The following PTPRD variants were observed in gnomAD, a reference collection of about 807,000 sequenced individuals.
The protein encoded by PTPRD is receptor-type tyrosine-protein phosphatase delta.
A neutral mutation model predicts 214.5 loss-of-function variants in PTPRD; 34 were observed. The observed-to-expected ratio is 0.16, with a 90% confidence interval of 0.12 to 0.21. PTPRD has a LOEUF of 0.21. PTPRD is among the 10% of genes least tolerant of loss of function. The pLI is 1.00. For synonymous variants in PTPRD, 1,128 were observed against 845.7 expected (o/e 1.33, Z -5.79); for missense variants, 2,545 against 2,398.7 (o/e 1.06, Z -1.27).
chr9:8,698,041 A>G (rs117982512), intron 12 of PTPRD, among the ~76,000 whole-genome samples: 1 of 152,184 alleles, frequency 6.6e-6, no homozygotes, highest in Admixed American at 6.5e-5. Flanking sequence ...CACCATGTCC[A>G]CAGTAAGCAT....
chr9:8,550,844 G>T (rs1436533194), intron 14 of PTPRD, among the ~76,000 whole-genome samples: 1 of 152,176 alleles, frequency 6.6e-6, no homozygotes, highest in African/African-American at 2.4e-5. Context: ...GCCTGGGTCA[G>T]GCTCTTTAGA....
intron 14 of PTPRD, among the ~76,000 whole-genome samples, chr9:8,610,589 G>A (rs1207624735): frequency 6.6e-6 from 1 of 152,162 alleles, no homozygotes; most frequent in South Asian, 2.1e-4. Context: ...CAAAAAAGCT[G>A]CGAAAGTCAA....
chr9:9,947,464 C>CTATATATTATATATATTTTA (rs2092825644), intron 4 of PTPRD, among the ~76,000 whole-genome samples: 1 of 18,842 alleles, frequency 5.3e-5, no homozygotes, highest in Non-Finnish European at 7.7e-5. Flanking sequence ...TTTATATATA[C>CTATATATTATATATATTTTA]TATATATTAT....
intron 26 of PTPRD, among the ~76,000 whole-genome samples, chr9:8,494,297 C>G (rs906289192): frequency 1.3e-5 from 2 of 152,014 alleles, no homozygotes; most frequent in Non-Finnish European, 2.9e-5. Flanking sequence ...GTAGGAATAT[C>G]TCACTGTGGA....
chr9:9,437,325 A>T (rs2085673138), intron 8 of PTPRD, among the ~76,000 whole-genome samples: 1 of 151,998 alleles, frequency 6.6e-6, no homozygotes, highest in African/African-American at 2.4e-5. Context: ...TATTTTACTG[A>T]TGTCTTTCAC....
Position 8,404,678 on chromosome 9 carries a change from C to G in PTPRD, c.4087-18G>C, listed in dbSNP as rs1403777369. 3.1e-6 allele frequency: 5 copies of G among 1,592,490 alleles called. No individual in the cohort carries two copies. ...TCAATTGACTTTAAAAGGAAAACAA[C>G]ACATATACACAAAATCAATACTGAA... On this transcript the variant is annotated intron_variant, in intron 35 of 45. Coordinates refer to ENST00000381196, the MANE Select transcript of PTPRD (RefSeq NM_002839.4).
chr9:9,961,765 T>C (rs2094382716), intron 4 of PTPRD, among the ~76,000 whole-genome samples: 1 of 152,094 alleles, frequency 6.6e-6, no homozygotes, highest in Admixed American at 6.6e-5. Flanking sequence ...GCAAACATGA[T>C]GATCAATTAT....
intron 7 of PTPRD, among the ~76,000 whole-genome samples, chr9:9,582,797 G>A (rs1352233884): frequency 5.9e-5 from 9 of 151,878 alleles, no homozygotes; most frequent in East Asian, 1.9e-4. Context: ...ATGTATTAAC[G>A]TGTTAGTATA....
intron 3 of PTPRD, among the ~76,000 whole-genome samples, chr9:10,114,714 A>G (rs1426165269): frequency 6.6e-6 from 1 of 152,090 alleles, no homozygotes; most frequent in African/African-American, 2.4e-5. Flanking sequence ...TTGTGAATCT[A>G]AAGACACATG....
At chr9:8,904,142 C>T (rs1046126421) in intron 11 of PTPRD, among the ~76,000 whole-genome samples, 1 of 152,110 alleles carries the variant, frequency 6.6e-6, no homozygotes, top group Non-Finnish European at 1.5e-5. Context: ...TATTTATTTT[C>T]TTTCTTTCCT....
In PTPRD at chr9:9,696,022, G is replaced by T. The variant is rs183611012; in HGVS notation, c.-287+38511C>A. Among the ~76,000 whole-genome samples the T allele has an allele frequency of 5.6e-4, 85 of 152,056 alleles. 1 individual carries two copies. In the South Asian group the frequency reaches 0.011, roughly 20 times the overall value. On this transcript the variant is annotated intron_variant, in intron 7 of 45. Transcript: ENST00000381196. ...TTCAGCAGTGAAGTCATTAGGTCCTGGGCTCTTTTTTGATGGGAGACTTTT... is the reference window on the plus strand; with the variant it reads ...TTCAGCAGTGAAGTCATTAGGTCCTTGGCTCTTTTTTGATGGGAGACTTTT...
intron 5 of PTPRD, among the ~76,000 whole-genome samples, chr9:9,849,027 G>A (rs975863543): frequency 7.3e-5 from 11 of 151,630 alleles, no homozygotes; most frequent in Non-Finnish European, 7.4e-5. Flanking sequence ...AACAGGGTGT[G>A]TCTATGTATT....
chr9:9,771,978 C>G (rs2098755483), intron 5 of PTPRD, among the ~76,000 whole-genome samples: 1 of 152,048 alleles, frequency 6.6e-6, no homozygotes, highest in African/African-American at 2.4e-5. Flanking sequence ...TAAGAAGAAA[C>G]TAGAAATTTC....
intron 2 of PTPRD, among the ~76,000 whole-genome samples, chr9:10,470,155 G>C (rs2099021024): frequency 6.6e-6 from 1 of 151,964 alleles, no homozygotes; most frequent in African/African-American, 2.4e-5. Flanking sequence ...AAATGTTTGA[G>C]GTAATGGATG....
At chr9:10,325,829 G>C (rs189144459) in intron 3 of PTPRD, among the ~76,000 whole-genome samples, 3 of 151,958 alleles carry the variant, frequency 2.0e-5, no homozygotes, top group East Asian at 1.9e-4. Context: ...ATTTTGGATA[G>C]AGTACAGATG....
At chr9:10,407,432 T>C (rs1169229231) in intron 2 of PTPRD, among the ~76,000 whole-genome samples, 1 of 151,564 alleles carries the variant, frequency 6.6e-6, no homozygotes, top group African/African-American at 2.4e-5. Context: ...ATTCTAAGTA[T>C]GAGATTTTGA....
chr9:9,438,130 G>A (rs1181737581), intron 8 of PTPRD, among the ~76,000 whole-genome samples: 1 of 152,150 alleles, frequency 6.6e-6, no homozygotes, highest in Non-Finnish European at 1.5e-5. Context: ...CTGGAGTAGA[G>A]CTCAACCTAA....
intron 7 of PTPRD, among the ~76,000 whole-genome samples, chr9:9,709,434 G>T (rs2097686168): frequency 6.6e-6 from 1 of 151,964 alleles, no homozygotes; most frequent in Non-Finnish European, 1.5e-5. Flanking sequence ...TTACAGGTAG[G>T]CCAACACTCA....
chr9:10,298,599 A>C (rs2095760427), intron 3 of PTPRD, among the ~76,000 whole-genome samples: 1 of 152,108 alleles, frequency 6.6e-6, no homozygotes, highest in Non-Finnish European at 1.5e-5. Flanking sequence ...AATAAATAAA[A>C]TGTGAAGATA....
Sources: allele counts gnomAD v4.1 joint callset (sites outside exome capture counted in the v4.1 genomes callset), GRCh38; gene constraint gnomAD v4.1.1; transcripts MANE v1.5; gene names NCBI Gene and HGNC (gene_info 2026-07-23, HGNC 2026-07-21).